GRIA4: variants seen among roughly 807,000 people sequenced by gnomAD.
GRIA4 encodes glutamate ionotropic receptor AMPA type subunit 4.
In GRIA4, 34 loss-of-function variants were observed where a neutral mutation model predicts 104.0. That is an observed-to-expected ratio of 0.33 (90% CI 0.25 to 0.44). The LOEUF (loss-of-function observed/expected upper bound fraction) is 0.44. Among genes scored for constraint, GRIA4 ranks in the 20% least tolerant of loss-of-function variants. The pLI is 1.00. For synonymous variants in GRIA4, 386 were observed against 381.9 expected, an observed-to-expected ratio of 1.01 and a Z score of -0.13; for missense variants, 750 against 1,096.5, an observed-to-expected ratio of 0.68 and a Z score of 4.46.
intron 6 of GRIA4, among the ~76,000 whole-genome samples, chr11:105,888,271 C>CA (rs1555038827): frequency 5.5e-4 from 30 of 54,574 alleles, no homozygotes; most frequent in Admixed American, 3.2e-3. Context: ...ATGTTTTCTC[C>CA]TTTTTTTTTT....
chr11:105,795,091 C>T (rs1434670495), intron 4 of GRIA4, among the ~76,000 whole-genome samples: 1 of 152,100 alleles, frequency 6.6e-6, no homozygotes, highest in Admixed American at 6.6e-5. Flanking sequence ...ATTTCAGTTA[C>T]ATGTGTATAC....
chr11:105,942,883 T>C (rs1444903440), intron 14 of GRIA4, among the ~76,000 whole-genome samples: 3 of 151,980 alleles, frequency 2.0e-5, no homozygotes, highest in Admixed American at 1.3e-4. Context: ...TTCCCAAAAA[T>C]GGGGGGAAAT....
chr11:105,805,419 A>T (rs1942905736), intron 4 of GRIA4, among the ~76,000 whole-genome samples: 1 of 150,600 alleles, frequency 6.6e-6, no homozygotes, highest in African/African-American at 2.4e-5. Context: ...CTTTCCAATC[A>T]GTCAAAACTT....
chr11:105,948,886 T>C (rs1948397040), intron 14 of GRIA4, among the ~76,000 whole-genome samples: 1 of 152,086 alleles, frequency 6.6e-6, no homozygotes, highest in Non-Finnish European at 1.5e-5. Flanking sequence ...CCACCACGCC[T>C]GGCCAACAGA....
intron 14 of GRIA4, among the ~76,000 whole-genome samples, chr11:105,947,785 AC>A (rs1246340475): frequency 6.6e-6 from 1 of 152,216 alleles, no homozygotes; most frequent in Admixed American, 6.5e-5. Flanking sequence ...TGTAGGTGAG[AC>A]TATTTTAAGA....
chr11:105,805,478 GA>G (rs57123559), intron 4 of GRIA4, among the ~76,000 whole-genome samples: 48,496 of 92,352 alleles, frequency 0.53, 10,428 homozygotes, highest in Non-Finnish European at 0.6. Context: ...AAGAAATCAG[GA>G]AAAAAAAAAA....
intron 4 of GRIA4, among the ~76,000 whole-genome samples, chr11:105,772,558 A>AGGG (rs1941258546): frequency 6.6e-6 from 1 of 152,232 alleles, no homozygotes; most frequent in Non-Finnish European, 1.5e-5. Context: ...TCAATTTTGG[A>AGGG]GGGAGTTAAA....
chr11:105,688,164 A>ATATCTATATC (rs1555101466), intron 3 of GRIA4, among the ~76,000 whole-genome samples: 1 of 136,816 alleles, frequency 7.3e-6, no homozygotes, highest in African/African-American at 2.7e-5. Flanking sequence ...ATCTCTATCT[A>ATATCTATATC]TCTATCTATC....
chr11:105,814,616 CAGAT>C (rs796542740), intron 4 of GRIA4, among the ~76,000 whole-genome samples: 5 of 151,908 alleles, frequency 3.3e-5, no homozygotes, highest in South Asian at 2.1e-4. Flanking sequence ...AGTAGAGTGA[CAGAT>C]AGTAGGCAAA....
At chr11:105,764,138 T>C (rs1233760346) in intron 4 of GRIA4, among the ~76,000 whole-genome samples, 2 of 152,136 alleles carry the variant, frequency 1.3e-5, no homozygotes, top group Non-Finnish European at 2.9e-5. Context: ...TTGTTTTGTT[T>C]TTGTTTTTTG....
chr11:105,648,889 C>T (rs12575516), intron 3 of GRIA4, among the ~76,000 whole-genome samples: 78,501 of 151,658 alleles, frequency 0.52, 20,553 homozygotes, highest in Admixed American at 0.61. Context: ...AAATTACTGC[C>T]GTTTTACAGA....
intron 3 of GRIA4, among the ~76,000 whole-genome samples, chr11:105,748,250 T>C (rs955246019): frequency 1.3e-5 from 2 of 152,176 alleles, no homozygotes; most frequent in Non-Finnish European, 2.9e-5. Flanking sequence ...ATGGCTGAGG[T>C]ATTGGTTCCT....
At chr11:105,757,537 C>T (rs1294320523) in intron 4 of GRIA4, among the ~76,000 whole-genome samples, 1 of 152,092 alleles carries the variant, frequency 6.6e-6, no homozygotes, top group East Asian at 1.9e-4. Context: ...AATACAGAAG[C>T]CTGCAGAGGG....
chr11:105,657,600 A>T (rs1951881427), intron 3 of GRIA4, among the ~76,000 whole-genome samples: 1 of 151,994 alleles, frequency 6.6e-6, no homozygotes, highest in African/African-American at 2.4e-5. Flanking sequence ...GGGCTGGCTT[A>T]TAATACTATC....
chr11:105,623,208 T>C (rs1413945537), intron 3 of GRIA4, among the ~76,000 whole-genome samples: 1 of 151,710 alleles, frequency 6.6e-6, no homozygotes, highest in Non-Finnish European at 1.5e-5. Context: ...TAATGATTTA[T>C]TTTCCTGTGT....
chr11:105,819,922 C>G (rs1454890088), intron 4 of GRIA4, among the ~76,000 whole-genome samples: 1 of 152,018 alleles, frequency 6.6e-6, no homozygotes, highest in African/African-American at 2.4e-5. Flanking sequence ...CCCAGTGTGA[C>G]TAGTATCCTT....
At chr11:105,684,120 C>T (rs180825512) in intron 3 of GRIA4, among the ~76,000 whole-genome samples, 94 of 152,152 alleles carry the variant, frequency 6.2e-4, no homozygotes, top group Non-Finnish European at 1.2e-3. Context: ...GTGATCCACC[C>T]GCCTCGGCCT....
At chr11:105,642,533 T>TATTAAAA (rs1329072180) in intron 3 of GRIA4, among the ~76,000 whole-genome samples, 1 of 95,416 alleles carries the variant, frequency 1.0e-5, no homozygotes, top group African/African-American at 5.0e-5. Context: ...TTCTCAATTT[T>TATTAAAA]AATGAAAAAA....
intron 3 of GRIA4, among the ~76,000 whole-genome samples, chr11:105,646,908 A>C (rs1951546134): frequency 6.6e-6 from 1 of 152,224 alleles, no homozygotes; most frequent in Non-Finnish European, 1.5e-5. Context: ...AAAGATGTCA[A>C]AAGCAATTAC....
Sources: gnomAD v4.1 joint callset for allele counts (sites outside exome capture counted in the v4.1 genomes callset) on GRCh38, gnomAD v4.1.1 for gene constraint, MANE v1.5 for transcripts, NCBI Gene and HGNC (gene_info 2026-07-23, HGNC 2026-07-21) for gene names.